Variants in EPB41L4A observed in about 807,000 individuals in gnomAD.
EPB41L4A encodes erythrocyte membrane protein band 4.1 like 4A, also known as band 4.1-like protein 4A.
In EPB41L4A, 100 loss-of-function variants were observed where a neutral mutation model predicts 108.6. The ratio of observed to expected loss-of-function variants is 0.92; its 90% CI spans 0.78 to 1.09. EPB41L4A has a LOEUF of 1.09. EPB41L4A is among the 50% of genes least tolerant of loss of function. The pLI, the probability that EPB41L4A is intolerant of heterozygous loss-of-function variation, is 0.00. For missense variants in EPB41L4A, 1,030 were observed against 842.7 expected, an observed-to-expected ratio of 1.22 and a Z score of -2.75; for synonymous variants, 319 against 289.0, an observed-to-expected ratio of 1.10 and a Z score of -1.05.
intron 18 of EPB41L4A, among the ~76,000 whole-genome samples, chr5:112,182,023 G>T (rs1158222201): frequency 1.3e-5 from 2 of 151,648 alleles, no homozygotes; most frequent in Non-Finnish European, 2.9e-5. Context: ...CAGTGAGCCA[G>T]GATTGGGCCA....
Position 112,165,073 on chromosome 5 carries a change from T to G in EPB41L4A, c.1978A>C (p.Thr660Pro), listed in dbSNP as rs1376804746. Residue 660 changes from threonine to proline, a missense_variant, in exon 23 of 23, where the codon ACA becomes CCA. Physicochemically the swap from Thr to Pro is conservative, Grantham distance 38. Coordinates refer to ENST00000261486, the MANE Select transcript of EPB41L4A (RefSeq NM_022140.5). ...KDSLMEEKPQ[T>P]STNNLAGKHT... ...TTTCCAGCCAGGTTGTTTGTAGATG[T>G]CTGAGGTTTTTCTTCCATCAGGCTA... 2.5e-6 allele frequency: 4 copies of G among 1,613,066 alleles called. No homozygotes were observed. Among genetic ancestry groups the G allele is most frequent in the Non-Finnish European group, 3.4e-6 (4 of 1,179,364 alleles).
At chr5:112,332,366 A>C (rs1284765787) in intron 1 of EPB41L4A, among the ~76,000 whole-genome samples, 1 of 152,238 alleles carries the variant, frequency 6.6e-6, no homozygotes, top group African/African-American at 2.4e-5. Flanking sequence ...GGGACCACCC[A>C]GGACCTTGAC....
At chr5:112,153,534 AAAAAC>A (rs1759545587) in intron 12 of EPB41L4A, among the ~76,000 whole-genome samples, 7 of 150,916 alleles carry the variant, frequency 4.6e-5, no homozygotes, top group Admixed American at 2.6e-4. Context: ...GTCTCAAAAA[AAAAAC>A]AAAAGAAAAG....
intron 12 of EPB41L4A, among the ~76,000 whole-genome samples, chr5:112,151,388 A>T (rs1580324222): frequency 6.7e-6 from 1 of 150,098 alleles, no homozygotes; most frequent in Non-Finnish European, 1.5e-5. Context: ...ATATATATTT[A>T]TATATATTTG....
At chr5:112,298,654 T>C (rs1421324688) in intron 2 of EPB41L4A, among the ~76,000 whole-genome samples, 1 of 151,974 alleles carries the variant, frequency 6.6e-6, no homozygotes, top group African/African-American at 2.4e-5. Context: ...TTCTTTGTTA[T>C]ACTGACTTCA....
At chr5:112,256,267 G>C (rs1751081410) in intron 9 of EPB41L4A, among the ~76,000 whole-genome samples, 1 of 152,134 alleles carries the variant, frequency 6.6e-6, no homozygotes, top group Admixed American at 6.6e-5. Context: ...AACACATAGT[G>C]ATAAAACAGT....
intron 1 of EPB41L4A, among the ~76,000 whole-genome samples, chr5:112,371,614 A>T (rs1020831851): frequency 6.6e-6 from 1 of 152,182 alleles, no homozygotes; most frequent in Non-Finnish European, 1.5e-5. Context: ...AAGGACAAAC[A>T]GTTTGACTTG....
chr5:112,257,322 T>C (rs1461474907), intron 9 of EPB41L4A: 1 of 152,160 alleles, frequency 6.6e-6, no homozygotes, highest in Non-Finnish European at 1.5e-5. Context: ...CTCTGAGTTA[T>C]ATGACCTGCT....
At chr5:112,230,520 G>C (rs542496397) in intron 12 of EPB41L4A, among the ~76,000 whole-genome samples, 4 of 152,168 alleles carry the variant, frequency 2.6e-5, no homozygotes, top group African/African-American at 9.6e-5. Flanking sequence ...TTGGCCATTT[G>C]TACATCTCCT....
At chr5:112,411,574 A>G (rs927767161) in intron 1 of EPB41L4A, among the ~76,000 whole-genome samples, 1 of 151,936 alleles carries the variant, frequency 6.6e-6, no homozygotes, top group Non-Finnish European at 1.5e-5. Context: ...CAGTCATCCT[A>G]TGAGGCAGAT....
intron 9 of EPB41L4A, among the ~76,000 whole-genome samples, chr5:112,251,772 G>A (rs982951750): frequency 3.9e-5 from 6 of 152,008 alleles, no homozygotes; most frequent in African/African-American, 1.5e-4. Flanking sequence ...TGAAGGAGAG[G>A]GAGCTATAAC....
chr5:112,323,190 A>C (rs750684103), intron 1 of EPB41L4A, among the ~76,000 whole-genome samples: 10 of 152,116 alleles, frequency 6.6e-5, no homozygotes, highest in Non-Finnish European at 1.5e-4. Flanking sequence ...GACAACAACA[A>C]ATAAGACATA....
intron 12 of EPB41L4A, among the ~76,000 whole-genome samples, chr5:112,229,050 G>A (rs1336591695): frequency 6.6e-6 from 1 of 152,188 alleles, no homozygotes; most frequent in Non-Finnish European, 1.5e-5. Flanking sequence ...GCAAGTTAAG[G>A]GGACTAGTCA....
At chr5:112,326,108 C>T (rs1756138623) in intron 1 of EPB41L4A, among the ~76,000 whole-genome samples, 1 of 152,128 alleles carries the variant, frequency 6.6e-6, no homozygotes, top group Non-Finnish European at 1.5e-5. Context: ...TATGATCATA[C>T]CACTGTACTC....
At chr5:112,159,864 G>A (rs1424213417), downstream of EPB41L4A, among the ~76,000 whole-genome samples, 1 of 151,048 alleles carries the variant, frequency 6.6e-6, no homozygotes, top group Non-Finnish European at 1.5e-5. Flanking sequence ...AAATATGTTG[G>A]GTTATTATTA....
downstream of EPB41L4A, among the ~76,000 whole-genome samples, chr5:112,158,091 T>C (rs1360053926): frequency 6.6e-6 from 1 of 152,168 alleles, no homozygotes. Flanking sequence ...GATCCAGTAA[T>C]TGGAACAAAT....
intron 12 of EPB41L4A, among the ~76,000 whole-genome samples, chr5:112,219,300 TG>T (rs1445052861): frequency 1.3e-5 from 2 of 152,150 alleles, no homozygotes; most frequent in African/African-American, 2.4e-5. Flanking sequence ...TCACAAGAGC[TG>T]ATGGTTTTAT....
intron 18 of EPB41L4A, among the ~76,000 whole-genome samples, chr5:112,180,216 T>C (rs537785955): frequency 5.1e-4 from 77 of 152,140 alleles, no homozygotes; most frequent in African/African-American, 1.6e-3. Context: ...AACTGACAAG[T>C]TGATTCAAAA....
At chr5:112,221,567 C>T (rs1255089799) in intron 12 of EPB41L4A, among the ~76,000 whole-genome samples, 1 of 152,124 alleles carries the variant, frequency 6.6e-6, no homozygotes, top group Non-Finnish European at 1.5e-5. Context: ...AAGCCTTTAG[C>T]ACTGTGTTTG....
Sources: allele counts gnomAD v4.1 joint callset (sites outside exome capture counted in the v4.1 genomes callset), GRCh38; gene constraint gnomAD v4.1.1; transcripts MANE v1.5; gene names NCBI Gene and HGNC (gene_info 2026-07-23, HGNC 2026-07-21).